Variants in GAS7 observed in about 807,000 individuals in gnomAD.
The protein encoded by GAS7 is growth arrest specific 7.
Under a neutral mutation model 71.1 loss-of-function variants are expected in GAS7, and 28 were observed. The observed-to-expected ratio is 0.39, with a 90% confidence interval of 0.29 to 0.54. GAS7 has a LOEUF of 0.54. Ranked by LOEUF, GAS7 falls within the 20% of genes least tolerant of loss-of-function variation. The pLI is 0.62. For missense variants in GAS7, 436 were observed against 627.8 expected, an observed-to-expected ratio of 0.69 and a Z score of 3.27; for synonymous variants, 258 against 245.8, an observed-to-expected ratio of 1.05 and a Z score of -0.46.
intron 1 of GAS7, among the ~76,000 whole-genome samples, chr17:10,076,175 G>A (rs1326801874): frequency 1.6e-5 from 2 of 122,820 alleles, no homozygotes; most frequent in Non-Finnish European, 3.4e-5. Context: ...GAAAGGGAAA[G>A]GGAAAGGGAA....
At chr17:10,078,439 G>A (rs1040461607) in intron 1 of GAS7, among the ~76,000 whole-genome samples, 2 of 152,018 alleles carry the variant, frequency 1.3e-5, no homozygotes, top group Admixed American at 6.6e-5. Context: ...TTGGTGCAAG[G>A]GACAGAGAAA....
At chr17:10,059,201 A>T (rs1175766923) in intron 1 of GAS7, among the ~76,000 whole-genome samples, 1 of 152,086 alleles carries the variant, frequency 6.6e-6, no homozygotes, top group Non-Finnish European at 1.5e-5. Flanking sequence ...CTCATCTAGA[A>T]CCTGGGGGAA....
At position 9,911,500 on chromosome 17, in the gene GAS7, A is replaced by G. The variant is rs2067435882; in HGVS notation, c.*5728T>C. On this transcript the variant is annotated 3_prime_UTR_variant, in exon 14 of 14. Coordinates refer to ENST00000432992, the MANE Select transcript of GAS7 (RefSeq NM_201433.2). The surrounding 1 kb of genome is among the most constrained non-coding windows in gnomAD (Gnocchi z 4.0). Reference sequence around the variant, plus strand: ...ATCGCCCCAACCTCACCCCACCCCCAGAGACACCTCCCAGGAAGCCCTCCT... The same window carrying G: ...ATCGCCCCAACCTCACCCCACCCCCGGAGACACCTCCCAGGAAGCCCTCCT... 1 of 233,358 alleles carries G rather than the reference A, an allele frequency of 4.3e-6. No individual in the cohort carries two copies. Among genetic ancestry groups the G allele is most frequent in the Admixed American group, 5.6e-5 (1 of 17,754 alleles). The allele number at this position is 233,358 out of a possible 1,614,324, so 14.5% of individuals were successfully genotyped here.
At chr17:10,181,120 G>A (rs1451191912) in intron 1 of GAS7, among the ~76,000 whole-genome samples, 1 of 150,258 alleles carries the variant, frequency 6.7e-6, no homozygotes, top group East Asian at 1.9e-4. Context: ...CCAGCACTTT[G>A]GGAGGCCAAG....
chr17:10,060,894 T>C (rs2073212831), intron 1 of GAS7, among the ~76,000 whole-genome samples: 1 of 152,158 alleles, frequency 6.6e-6, no homozygotes, highest in Non-Finnish European at 1.5e-5. Context: ...TGGCAAGCCT[T>C]GGACACATTT....
intron 1 of GAS7, among the ~76,000 whole-genome samples, chr17:10,187,193 T>C (rs968766680): frequency 6.6e-6 from 1 of 152,218 alleles, no homozygotes; most frequent in East Asian, 1.9e-4. Context: ...TTAAGAACCA[T>C]GTGCTGTTTG....
At chr17:10,055,304 C>G (rs1297061338) in intron 1 of GAS7, among the ~76,000 whole-genome samples, 1 of 152,112 alleles carries the variant, frequency 6.6e-6, no homozygotes, top group East Asian at 1.9e-4. Context: ...ATGTAAGGTA[C>G]CCAAACCTGC....
intron 4 of GAS7, among the ~76,000 whole-genome samples, chr17:9,964,965 TTC>T (rs1442068419): frequency 9.9e-5 from 15 of 152,178 alleles, no homozygotes; most frequent in Non-Finnish European, 1.8e-4. Context: ...CTTCGTCCCA[TTC>T]TCTTTCCTCT....
At chr17:10,029,776 T>C (rs909326365) in intron 1 of GAS7, among the ~76,000 whole-genome samples, 5 of 151,768 alleles carry the variant, frequency 3.3e-5, no homozygotes. Flanking sequence ...TGCTTGAACC[T>C]AGAAGGCGGA....
intron 1 of GAS7, among the ~76,000 whole-genome samples, chr17:10,132,501 C>G (rs1277977087): frequency 6.6e-6 from 1 of 152,202 alleles, no homozygotes; most frequent in Admixed American, 6.5e-5. Context: ...CACGGTGGCT[C>G]ATGCCCATAA....
In GAS7 at chr17:10,184,885, G is replaced by C. The variant is rs1022845212; in HGVS notation, c.183+13323C>G. Among the ~76,000 whole-genome samples, 3 of 152,074 alleles carry C rather than the reference G, an allele frequency of 2.0e-5. No homozygotes were observed. In the East Asian group the frequency reaches 5.8e-4, roughly 29 times the overall value. The stretch of plus-strand genomic sequence containing the variant: ...CCCACCTGCTGACCTCCAGGAAAAG[G>C]GGGGCCATGGGAGGCTGGAGACCAA... On this transcript the variant is annotated intron_variant, in intron 1 of 13. Coordinates refer to ENST00000432992, the MANE Select transcript of GAS7 (RefSeq NM_201433.2).
At chr17:10,185,923 CACTTCAGACTACT>C in intron 1 of GAS7, among the ~76,000 whole-genome samples, 1 of 149,544 alleles carries the variant, frequency 6.7e-6, no homozygotes. Context: ...TTCAGGTTTC[CACTTCAGACTACT>C]AAATCAGTCT....
intron 1 of GAS7, among the ~76,000 whole-genome samples, chr17:10,136,966 T>A (rs1195458171): frequency 6.6e-6 from 1 of 151,810 alleles, no homozygotes; most frequent in Non-Finnish European, 1.5e-5. Context: ...TACAAAAAAT[T>A]AGTCAGACAT....
intron 1 of GAS7, among the ~76,000 whole-genome samples, chr17:10,168,641 T>A (rs1362982274): frequency 6.6e-6 from 1 of 152,136 alleles, no homozygotes. Flanking sequence ...CTAGTGAGGA[T>A]GTATGGTCTA....
intron 4 of GAS7, among the ~76,000 whole-genome samples, chr17:9,962,774 G>A (rs2069549664): frequency 6.6e-6 from 1 of 152,160 alleles, no homozygotes; most frequent in Admixed American, 6.5e-5. Context: ...TGACAAATTA[G>A]AAAGGGAAAA....
intron 2 of GAS7, among the ~76,000 whole-genome samples, chr17:9,989,195 A>AGTCT (rs1044354731): frequency 6.6e-6 from 1 of 152,110 alleles, no homozygotes; most frequent in African/African-American, 2.4e-5. Flanking sequence ...TCTGGAACTC[A>AGTCT]GTCTGACAAC....
chr17:10,006,502 T>C (rs1597668207), intron 2 of GAS7, among the ~76,000 whole-genome samples: 1 of 151,484 alleles, frequency 6.6e-6, no homozygotes, highest in East Asian at 2.0e-4. Context: ...GCTAATTTTT[T>C]GTATTTTTAG....
chr17:10,180,490 C>T (rs746088299), intron 1 of GAS7, among the ~76,000 whole-genome samples: 11 of 152,260 alleles, frequency 7.2e-5, no homozygotes, highest in East Asian at 3.9e-4. Context: ...GCCCACAAAT[C>T]GAGAACACCC....
In GAS7 at chr17:9,969,703, C is replaced by A. The variant is rs768387156; in HGVS notation, c.445G>T (p.Val149Phe). 1 of 1,611,384 alleles carries A rather than the reference C, an allele frequency of 6.2e-7. No homozygotes were observed. Among genetic ancestry groups the A allele is most frequent in the Non-Finnish European group, 8.5e-7 (1 of 1,177,606 alleles). Residue 149 changes from valine to phenylalanine, a missense_variant, in exon 4 of 14, where the codon GTC becomes TTC. Physicochemically the swap from Val to Phe is conservative, Grantham distance 50. Coordinates refer to ENST00000432992, the MANE Select transcript of GAS7 (RefSeq NM_201433.2). This position sits in a 1 kb window ranked among gnomAD's most constrained non-coding sequence, Gnocchi z 5.5. ...TGGGAATCACCGGTGGATTTTCGGA[C>A]ACTCATGTGGGCAGTCTCTGGAGGG... ...AHPPETAHMS[V>F]RKSTGDSQNL...
Sources: allele counts gnomAD v4.1 joint callset (sites outside exome capture counted in the v4.1 genomes callset), GRCh38; gene constraint gnomAD v4.1.1; non-coding constraint Gnocchi (gnomAD v3.1); transcripts MANE v1.5; gene names NCBI Gene and HGNC (gene_info 2026-07-23, HGNC 2026-07-21).